KDM4C: variants seen among roughly 807,000 people sequenced by gnomAD.
KDM4C encodes the protein lysine-specific demethylase 4C.
Under a neutral mutation model 129.3 loss-of-function variants are expected in KDM4C, and 81 were observed. The ratio of observed to expected loss-of-function variants is 0.63; its 90% CI spans 0.52 to 0.75. KDM4C has a LOEUF of 0.75. KDM4C is among the 30% of genes least tolerant of loss of function. The pLI is 0.00. For synonymous variants in KDM4C, 573 were observed against 456.1 expected (o/e 1.26, Z -3.26); for missense variants, 1,457 against 1,304.0 (o/e 1.12, Z -1.81).
intron 18 of KDM4C, among the ~76,000 whole-genome samples, chr9:7,108,080 G>C (rs1036421074): frequency 1.4e-4 from 21 of 152,280 alleles, no homozygotes; most frequent in Non-Finnish European, 2.4e-4. Flanking sequence ...ATAATGGAAA[G>C]CAGGGTGGGT....
chr9:6,818,877 T>G (rs1039971310), intron 4 of KDM4C: 6 of 152,190 alleles, frequency 3.9e-5, no homozygotes, highest in African/African-American at 1.4e-4. Context: ...TGTGGAAATA[T>G]GTAAAACTAG....
intron 2 of KDM4C, among the ~76,000 whole-genome samples, chr9:6,800,000 A>T (rs772842396): frequency 6.6e-6 from 1 of 151,796 alleles, no homozygotes; most frequent in Admixed American, 6.6e-5. Flanking sequence ...AGGTGGGAGG[A>T]TTGCTTGAGC....
intron 15 of KDM4C, among the ~76,000 whole-genome samples, chr9:7,022,045 T>G (rs981120311): frequency 2.0e-5 from 3 of 152,198 alleles, no homozygotes; most frequent in Admixed American, 2.0e-4. Flanking sequence ...CCATGTCATT[T>G]TGGTTACTAC....
At chr9:6,858,381 G>A (rs922644663) in intron 5 of KDM4C, among the ~76,000 whole-genome samples, 3 of 151,796 alleles carry the variant, frequency 2.0e-5, no homozygotes, top group African/African-American at 7.3e-5. Context: ...CTACAACATT[G>A]ACATCCCTTC....
Position 6,984,525 on chromosome 9 carries a change from A to T in KDM4C, c.1354+121A>T, listed in dbSNP as rs908690757. 5.0e-5 allele frequency: 34 copies of T among 685,670 alleles called. No homozygotes were observed. The Admixed American group carries it at 7.8e-4, about 16-fold the overall frequency. The allele number at this position is 685,670 out of a possible 1,614,324, so 42.5% of individuals were successfully genotyped here. A position where few individuals can be genotyped will look rare whatever the true frequency, so the allele number is the denominator to read the frequency against. ...GTCCACATAGCTTAATCAGTAATCT[A>T]CCAAAGTCATGGGTAACTCAACCAA... is the stretch of plus-strand genomic sequence containing the variant. On this transcript the variant is annotated intron_variant, in intron 10 of 21. Transcript: ENST00000381309.
At chr9:7,055,590 A>G (rs1830763500) in intron 17 of KDM4C, among the ~76,000 whole-genome samples, 1 of 152,208 alleles carries the variant, frequency 6.6e-6, no homozygotes, top group South Asian at 2.1e-4. Flanking sequence ...CAAGCCAAAG[A>G]TTATAGTTTT....
chr9:7,098,023 A>T (rs1053619546), intron 17 of KDM4C, among the ~76,000 whole-genome samples: 10 of 152,366 alleles, frequency 6.6e-5, no homozygotes, highest in Admixed American at 5.2e-4. Context: ...CTTGTAATGT[A>T]TCTGTTGATC....
At chr9:6,740,365 G>A (rs999809800) in intron 1 of KDM4C, among the ~76,000 whole-genome samples, 4 of 151,530 alleles carry the variant, frequency 2.6e-5, no homozygotes, top group Non-Finnish European at 5.9e-5. Context: ...CACCCCACCT[G>A]GCTAATTTTT....
At chr9:7,067,208 C>G (rs887255820) in intron 17 of KDM4C, among the ~76,000 whole-genome samples, 8 of 152,212 alleles carry the variant, frequency 5.3e-5, no homozygotes, top group Non-Finnish European at 1.0e-4. Flanking sequence ...GAACTATTGA[C>G]TCTCTTTTTC....
chr9:6,911,091 A>T lies in KDM4C; in HGVS notation c.921+17859A>T, dbSNP rs1163617549. Among the ~76,000 whole-genome samples, 3 of 152,174 alleles carry T rather than the reference A, an allele frequency of 2.0e-5. No individual in the cohort carries two copies. In the South Asian group the frequency reaches 6.2e-4, roughly 32 times the overall value. On this transcript the variant is annotated intron_variant, in intron 8 of 21. Coordinates refer to ENST00000381309, the MANE Select transcript of KDM4C (RefSeq NM_015061.6). ...TTTATTTTAAAATATTTCTATAGCA[A>T]CCAGTTATCACATGTGCAGTGAAAA...
chr9:7,032,182 A>G (rs765747314), intron 15 of KDM4C, among the ~76,000 whole-genome samples: 16 of 152,234 alleles, frequency 1.1e-4, no homozygotes, highest in Non-Finnish European at 1.8e-4. Context: ...GCTGAGTCCA[A>G]TAAATTGAGC....
chr9:6,893,714 A>G (rs1032656358), intron 8 of KDM4C: 1 of 152,350 alleles, frequency 6.6e-6, no homozygotes, highest in African/African-American at 2.4e-5. Flanking sequence ...AATTCTTGAA[A>G]GTAATCATGT....
intron 4 of KDM4C, among the ~76,000 whole-genome samples, chr9:6,828,807 G>A (rs1328628882): frequency 6.6e-6 from 1 of 152,074 alleles, no homozygotes. Flanking sequence ...GGAGGTAGAG[G>A]TTGGCATGAG....
chr9:7,145,092 T>G (rs1842096469), intron 19 of KDM4C, among the ~76,000 whole-genome samples: 2 of 152,246 alleles, frequency 1.3e-5, no homozygotes, highest in Admixed American at 6.5e-5. Flanking sequence ...TGGTGCTGCA[T>G]TAACAGGCCT....
At chr9:6,911,293 G>A (rs1181380112) in intron 8 of KDM4C, among the ~76,000 whole-genome samples, 1 of 152,158 alleles carries the variant, frequency 6.6e-6, no homozygotes, top group African/African-American at 2.4e-5. Context: ...TCAGCGATGA[G>A]GAATCTGAAA....
chr9:6,970,229 A>G (rs1044341024), intron 8 of KDM4C, among the ~76,000 whole-genome samples: 1 of 152,254 alleles, frequency 6.6e-6, no homozygotes, highest in Admixed American at 6.5e-5. Context: ...AGATTAAATA[A>G]TGAGTAATGG....
intron 19 of KDM4C, among the ~76,000 whole-genome samples, chr9:7,137,621 C>G (rs1425755278): frequency 6.6e-6 from 1 of 152,172 alleles, no homozygotes; most frequent in African/African-American, 2.4e-5. Context: ...CTGAAATTTT[C>G]CAGAGCTGAC....
chr9:7,111,113 T>G (rs572896809), intron 18 of KDM4C, among the ~76,000 whole-genome samples: 2 of 152,320 alleles, frequency 1.3e-5, no homozygotes, highest in Admixed American at 1.3e-4. Flanking sequence ...GCAAACATTT[T>G]TGTTTTTTTT....
At chr9:6,951,630 A>G (rs959509786) in intron 8 of KDM4C, among the ~76,000 whole-genome samples, 1 of 152,218 alleles carries the variant, frequency 6.6e-6, no homozygotes, top group South Asian at 2.1e-4. Flanking sequence ...TGCAATCTAC[A>G]GATAATTATA....
Sources: allele counts gnomAD v4.1 joint callset (sites outside exome capture counted in the v4.1 genomes callset), GRCh38; gene constraint gnomAD v4.1.1; transcripts MANE v1.5; gene names NCBI Gene and HGNC (gene_info 2026-07-23, HGNC 2026-07-21).